The following CFAP299 variants were observed in gnomAD, a reference collection of about 807,000 sequenced individuals.
CFAP299 encodes the protein cilia- and flagella-associated protein 299.
CFAP299 carries 21 observed loss-of-function variants against 27.0 expected under a neutral mutation model. The ratio of observed to expected loss-of-function variants is 0.78; its 90% CI spans 0.55 to 1.12. The LOEUF is 1.12. CFAP299 is among the 50% of genes most tolerant of loss of function. CFAP299 has a pLI of 0.00. For synonymous variants in CFAP299, 104 were observed against 98.1 expected (o/e 1.06, Z -0.36); for missense variants, 310 against 276.6 (o/e 1.12, Z -0.86).
intron 3 of CFAP299, among the ~76,000 whole-genome samples, chr4:80,670,972 G>A (rs1355431672): frequency 2.0e-5 from 3 of 152,182 alleles, no homozygotes; most frequent in African/African-American, 2.4e-5. Flanking sequence ...TTCTTTTGCT[G>A]AGCAGAAGCT....
At chr4:80,845,836 C>T (rs1486793899) in intron 3 of CFAP299, among the ~76,000 whole-genome samples, 1 of 151,902 alleles carries the variant, frequency 6.6e-6, no homozygotes, top group African/African-American at 2.4e-5. Context: ...GCAAATAAAG[C>T]TCCTGTCAAA....
intron 4 of CFAP299, among the ~76,000 whole-genome samples, chr4:80,912,451 C>T (rs972642044): frequency 5.9e-5 from 9 of 152,086 alleles, no homozygotes; most frequent in African/African-American, 9.7e-5. Context: ...AGTCATCCGT[C>T]GAAAGAGCCA....
chr4:80,579,615 A>G (rs1736066058), intron 2 of CFAP299, among the ~76,000 whole-genome samples: 1 of 151,916 alleles, frequency 6.6e-6, no homozygotes, highest in South Asian at 2.1e-4. Flanking sequence ...CTAAAAATCT[A>G]TTTTTCTGGC....
intron 2 of CFAP299, among the ~76,000 whole-genome samples, chr4:80,424,774 G>A (rs1047312111): frequency 6.6e-6 from 1 of 152,028 alleles, no homozygotes; most frequent in Non-Finnish European, 1.5e-5. Flanking sequence ...CTGACTGGAC[G>A]ATACAAAAAA....
chr4:80,917,308 C>T (rs986461820), intron 4 of CFAP299, among the ~76,000 whole-genome samples: 2 of 152,036 alleles, frequency 1.3e-5, no homozygotes, highest in Non-Finnish European at 2.9e-5. Context: ...AGAAAAGATA[C>T]TGTCAATATG....
intron 3 of CFAP299, among the ~76,000 whole-genome samples, chr4:80,716,475 A>G (rs1722491880): frequency 6.6e-6 from 1 of 151,752 alleles, no homozygotes; most frequent in South Asian, 2.1e-4. Flanking sequence ...ATGACACATG[A>G]TACACCCATG....
chr4:80,789,940 A>AT (rs1727454665), intron 3 of CFAP299, among the ~76,000 whole-genome samples: 1 of 152,064 alleles, frequency 6.6e-6, no homozygotes, highest in Non-Finnish European at 1.5e-5. Flanking sequence ...GCAGACAAAT[A>AT]TAAGTGTTAA....
intron 3 of CFAP299, among the ~76,000 whole-genome samples, chr4:80,862,306 G>T (rs1429309145): frequency 1.3e-5 from 2 of 152,080 alleles, no homozygotes; most frequent in South Asian, 2.1e-4. Flanking sequence ...GGAAGCAGAG[G>T]TTGCAGTAAG....
chr4:80,727,516 G>A (rs1033060887), intron 3 of CFAP299, among the ~76,000 whole-genome samples: 1 of 152,032 alleles, frequency 6.6e-6, no homozygotes, highest in Admixed American at 6.6e-5. Context: ...AGCCAGACTA[G>A]CTGAATTCAA....
At chr4:80,353,172 G>A (rs1015497194) in intron 1 of CFAP299, among the ~76,000 whole-genome samples, 4 of 152,190 alleles carry the variant, frequency 2.6e-5, no homozygotes, top group Non-Finnish European at 5.9e-5. Context: ...GCTGATTGTA[G>A]TCACCCTAAA....
At chr4:80,617,493 G>A (rs1246876599) in intron 3 of CFAP299, among the ~76,000 whole-genome samples, 3 of 152,072 alleles carry the variant, frequency 2.0e-5, no homozygotes, top group Non-Finnish European at 2.9e-5. Flanking sequence ...TCTGGTTCAT[G>A]GTACAACCTT....
intron 3 of CFAP299, among the ~76,000 whole-genome samples, chr4:80,742,281 A>G (rs538722675): frequency 3.3e-4 from 51 of 152,268 alleles, no homozygotes; most frequent in African/African-American, 1.1e-3. Context: ...CATCTTGTTT[A>G]TGCCCCTGTC....
chr4:80,413,167 G>A (rs535661424), intron 2 of CFAP299, among the ~76,000 whole-genome samples: 2 of 152,282 alleles, frequency 1.3e-5, no homozygotes, highest in South Asian at 4.1e-4. Flanking sequence ...ACTGGAGTGG[G>A]TTTAACAGAG....
chr4:80,790,878 C>T (rs1244845758), intron 3 of CFAP299, among the ~76,000 whole-genome samples: 3 of 151,984 alleles, frequency 2.0e-5, no homozygotes, highest in African/African-American at 7.2e-5. Context: ...CAATATTTTA[C>T]CCCAAATCCT....
At chr4:80,915,276 G>C (rs944312866) in intron 4 of CFAP299, among the ~76,000 whole-genome samples, 8 of 151,746 alleles carry the variant, frequency 5.3e-5, no homozygotes, top group South Asian at 2.1e-4. Flanking sequence ...CAGTTTTACA[G>C]GGTTTTTTTT....
intron 4 of CFAP299, among the ~76,000 whole-genome samples, chr4:80,932,105 C>T (rs1404109488): frequency 6.6e-6 from 1 of 152,040 alleles, no homozygotes; most frequent in African/African-American, 2.4e-5. Flanking sequence ...AGACTGAATG[C>T]CCATTCTGCT....
intron 3 of CFAP299, among the ~76,000 whole-genome samples, chr4:80,682,852 C>T (rs1372599176): frequency 6.6e-6 from 1 of 152,214 alleles, no homozygotes; most frequent in East Asian, 1.9e-4. Flanking sequence ...CTCTTGAGAC[C>T]TGCCATTCGA....
chr4:80,860,348 T>C (rs553875088), intron 3 of CFAP299, among the ~76,000 whole-genome samples: 2 of 152,306 alleles, frequency 1.3e-5, no homozygotes, highest in East Asian at 1.9e-4. Context: ...TCTTTGCCTT[T>C]GGTTTGAATT....
intron 4 of CFAP299, among the ~76,000 whole-genome samples, chr4:80,908,498 G>T (rs1735298235): frequency 6.6e-6 from 1 of 152,102 alleles, no homozygotes. Flanking sequence ...TTAGTGGAGA[G>T]GTGTTCCGAA....
Sources: allele counts gnomAD v4.1 joint callset (sites outside exome capture counted in the v4.1 genomes callset), GRCh38; gene constraint gnomAD v4.1.1; transcripts MANE v1.5; gene names NCBI Gene and HGNC (gene_info 2026-07-23, HGNC 2026-07-21).